The following CNTN6 variants were observed in gnomAD, a reference collection of about 807,000 sequenced individuals.
CNTN6 encodes contactin-6.
Under a neutral mutation model 122.8 loss-of-function variants are expected in CNTN6, and 137 were observed. That is an observed-to-expected ratio of 1.12 (90% CI 0.97 to 1.29). The LOEUF (loss-of-function observed/expected upper bound fraction) is 1.29, where lower values mean the gene tolerates loss of function less well. CNTN6 is among the 50% of genes most tolerant of loss of function. The pLI is 0.00. For missense variants in CNTN6, 1,634 were observed against 1,223.4 expected, an observed-to-expected ratio of 1.34 and a Z score of -5.01; for synonymous variants, 570 against 426.0, an observed-to-expected ratio of 1.34 and a Z score of -4.16.
At chr3:1,254,061 C>G (rs1295561315) in intron 4 of CNTN6, among the ~76,000 whole-genome samples, 6 of 152,074 alleles carry the variant, frequency 3.9e-5, no homozygotes, top group Admixed American at 3.3e-4. Context: ...TTCAAACATA[C>G]AGAAATGTCT....
chr3:1,221,261 A>G (rs536463733), intron 3 of CNTN6, among the ~76,000 whole-genome samples: 272 of 152,226 alleles, frequency 1.8e-3, no homozygotes, highest in Non-Finnish European at 3.4e-3. Context: ...AATGAAGAGA[A>G]AGGAAAAAAA....
chr3:1,374,017 G>GC lies in CNTN6; in HGVS notation c.2040dup (p.Ile681HisfsTer8), dbSNP rs1410356759. The stretch of plus-strand genomic sequence containing the variant: ...GAATTTCGTGTTGTTGCCGGCAACA[G>GC]CATTGGGATTGGAGAACCAAGTGAA... On this transcript the variant is annotated frameshift_variant, in exon 16 of 23. Coordinates refer to ENST00000446702, the MANE Select transcript of CNTN6 (RefSeq NM_001289080.2). LOFTEE classifies it high-confidence loss of function. 6.2e-7 allele frequency: 1 copy of GC among 1,613,150 alleles called. No homozygotes were observed.
chr3:1,102,147 A>G (rs188569239), intron 1 of CNTN6, among the ~76,000 whole-genome samples: 2 of 152,278 alleles, frequency 1.3e-5, no homozygotes, highest in East Asian at 3.9e-4. Context: ...AAGAATGTAG[A>G]CATTTTATTT....
intron 2 of CNTN6, among the ~76,000 whole-genome samples, chr3:1,158,969 C>CACATAT (rs1553610778): frequency 8.9e-6 from 1 of 112,968 alleles, no homozygotes; most frequent in African/African-American, 3.8e-5. Context: ...CACACACACA[C>CACATAT]ATATATATAT....
chr3:1,387,026 C>CA (rs1327362174), intron 20 of CNTN6, among the ~76,000 whole-genome samples: 3 of 152,146 alleles, frequency 2.0e-5, no homozygotes, highest in Non-Finnish European at 4.4e-5. Flanking sequence ...GTCAGATATT[C>CA]ATGTTCCAAT....
chr3:1,260,763 T>C (rs1343435898), intron 4 of CNTN6, among the ~76,000 whole-genome samples: 1 of 151,996 alleles, frequency 6.6e-6, no homozygotes, highest in Non-Finnish European at 1.5e-5. Flanking sequence ...GGGGCTTTTC[T>C]CCTTTTGCTT....
intron 2 of CNTN6, among the ~76,000 whole-genome samples, chr3:1,170,326 CTG>C (rs1374098738): frequency 1.4e-5 from 2 of 144,586 alleles, no homozygotes; most frequent in Non-Finnish European, 3.0e-5. Context: ...CATTTAAAAA[CTG>C]TGAGGTAGAA....
intron 4 of CNTN6, among the ~76,000 whole-genome samples, chr3:1,237,935 T>C (rs1456651426): frequency 2.0e-5 from 3 of 150,946 alleles, no homozygotes; most frequent in Non-Finnish European, 4.4e-5. Context: ...TACACAAAAA[T>C]AGAACCTCCT....
intron 4 of CNTN6, among the ~76,000 whole-genome samples, chr3:1,245,277 ACACAC>A (rs1559597042): frequency 3.0e-3 from 14 of 4,592 alleles, no homozygotes; most frequent in East Asian, 0.025. Flanking sequence ...ATATATATAC[ACACAC>A]ATATATATAT....
chr3:1,279,424 CAGACCCA>C (rs2125794717), intron 5 of CNTN6, among the ~76,000 whole-genome samples: 1 of 152,316 alleles, frequency 6.6e-6, no homozygotes, highest in Admixed American at 6.5e-5. Context: ...TTACACAGCA[CAGACCCA>C]AGGACTTTAA....
Position 1,220,690 on chromosome 3 carries a change from A to T in CNTN6, c.59A>T (p.Asp20Val). ...ATTTATTCTTTTCTTTTCCCAGGTGATGGTCTTTTAAGCCGTCCTATTTTT... is the reference window on the plus strand; with the variant it reads ...ATTTATTCTTTTCTTTTCCCAGGTGTTGGTCTTTTAAGCCGTCCTATTTTT... ...LLPLINSSAGDGLLSRPIFTQ... is the reference protein window; with the variant it reads ...LLPLINSSAGVGLLSRPIFTQ... The change falls in exon 3 of 23, where the codon GAT becomes GTT. Residue 20 changes from aspartate to valine, a missense_variant. Asp to Val is a radical substitution (Grantham distance 152). Transcript: ENST00000446702. The T allele has an allele frequency of 6.2e-7, 1 of 1,602,734 alleles. No individual in the cohort carries two copies. The highest frequency in any genetic ancestry group is 8.5e-7 in the Non-Finnish European group (1 of 1,175,922).
chr3:1,272,804 G>T (rs911279619), intron 4 of CNTN6, among the ~76,000 whole-genome samples: 2 of 152,152 alleles, frequency 1.3e-5, no homozygotes, highest in African/African-American at 4.8e-5. Flanking sequence ...CAAATGTACA[G>T]TTTTCTTGCT....
chr3:1,295,316 C>T (rs550956058), intron 5 of CNTN6, among the ~76,000 whole-genome samples: 32 of 152,238 alleles, frequency 2.1e-4, no homozygotes, highest in Middle Eastern at 6.8e-3. Flanking sequence ...TATGGTATTT[C>T]TTAATAAACT....
chr3:1,297,996 GGTTTTT>G lies in CNTN6; in HGVS notation c.761+23_761+28del, dbSNP rs10558016. The G allele has an allele frequency of 0.34, 523,997 of 1,549,594 alleles. 101,403 individuals are homozygous for G. Among genetic ancestry groups the G allele is most frequent in the African/African-American group, 0.82 (57,804 of 70,864 alleles). The stretch of plus-strand genomic sequence containing the variant: ...GGAATGTTTTGCCCTTGGAAAGTAA[GGTTTTT>G]GTTTTTGTTTTTGTTTTCCTGGTTG... On this transcript the variant is annotated splice_donor_region_variant and intron_variant, in intron 7 of 22. Transcript: ENST00000446702.
rs779657482 is a variant in CNTN6, at chr3:1,403,330, G to A, written c.2999G>A (p.Arg1000Lys). 1.1e-5 allele frequency: 17 copies of A among 1,605,228 alleles called. No individual in the cohort carries two copies. Among genetic ancestry groups the A allele is most frequent in the Non-Finnish European group, 6.0e-6 (7 of 1,174,340 alleles). Residue 1000 changes from arginine to lysine, a missense_variant, in exon 23 of 23, where the codon AGA becomes AAA. Arg to Lys is a conservative substitution (Grantham distance 26). Transcript: ENST00000446702. The stretch of plus-strand genomic sequence containing the variant: ...TTATATTTTGCAGGTTTGAGTTCCA[G>A]AGGAATTCAATTCTTAGAACCTAGC... ...RIPKMSSLSS[R>K]GIQFLEPSTH...
intron 7 of CNTN6, among the ~76,000 whole-genome samples, chr3:1,314,619 A>G (rs959335406): frequency 4.6e-5 from 7 of 152,046 alleles, no homozygotes; most frequent in Admixed American, 3.3e-4. Flanking sequence ...AGGATGAACT[A>G]GGTCAGATGG....
intron 20 of CNTN6, among the ~76,000 whole-genome samples, chr3:1,389,446 C>A (rs554750157): frequency 6.6e-6 from 1 of 151,896 alleles, no homozygotes; most frequent in Non-Finnish European, 1.5e-5. Context: ...CGGTACCAGC[C>A]GCTGCAAAAT....
At chr3:1,386,698 T>A in intron 20 of CNTN6, among the ~76,000 whole-genome samples, 1 of 151,240 alleles carries the variant, frequency 6.6e-6, no homozygotes, top group Non-Finnish European at 1.5e-5. Flanking sequence ...TTAAAACACA[T>A]TTTTTTGCTC....
chr3:1,243,331 G>T (rs1217079009), intron 4 of CNTN6, among the ~76,000 whole-genome samples: 2 of 152,194 alleles, frequency 1.3e-5, no homozygotes, highest in Non-Finnish European at 2.9e-5. Context: ...CAGGTGTTTG[G>T]AAGTTCTTGT....
Sources: allele counts gnomAD v4.1 joint callset (sites outside exome capture counted in the v4.1 genomes callset), GRCh38; gene constraint gnomAD v4.1.1; transcripts MANE v1.5; gene names NCBI Gene and HGNC (gene_info 2026-07-23, HGNC 2026-07-21).